ETFRF1: variants seen among roughly 807,000 people sequenced by gnomAD.
ETFRF1 encodes LYR motif containing 5.
ETFRF1 carries 12 observed loss-of-function variants against 9.0 expected under a neutral mutation model. The ratio of observed to expected loss-of-function variants is 1.34; its 90% CI spans 0.86 to 2.16. The LOEUF is 2.16. Among genes scored for constraint, ETFRF1 ranks in the 30% most tolerant of loss-of-function variants. The pLI is 0.00. For synonymous variants in ETFRF1, 34 were observed against 33.2 expected, an observed-to-expected ratio of 1.02 and a Z score of -0.08; for missense variants, 98 against 101.8, an observed-to-expected ratio of 0.96 and a Z score of 0.16.
chr12:25,204,897 T>G lies in ETFRF1; in HGVS notation c.*585T>G, dbSNP rs1478917694. 1 of 199,700 alleles carries G rather than the reference T, an allele frequency of 5.0e-6. No homozygotes were observed. The highest frequency in any genetic ancestry group is 1.0e-5 in the Non-Finnish European group (1 of 96,248). The allele number at this position is 199,700 out of a possible 1,614,324, so 12.4% of individuals were successfully genotyped here. ...ACTGGCATTAACATACATAACTAACTATTCAATTATTTCCATTATTAATGT... is the reference window on the plus strand; with the variant it reads ...ACTGGCATTAACATACATAACTAACGATTCAATTATTTCCATTATTAATGT... On this transcript the variant is annotated 3_prime_UTR_variant, in exon 3 of 3. Coordinates refer to ENST00000381356, the MANE Select transcript of ETFRF1 (RefSeq NM_001001660.3).
Position 25,204,122 on chromosome 12 carries a change from G to A in ETFRF1, c.83G>A (p.Gly28Glu), listed in dbSNP as rs1386066862. 2 of 1,600,302 alleles carry A rather than the reference G, an allele frequency of 1.2e-6. No homozygotes were observed. The highest frequency in any genetic ancestry group is 8.5e-7 in the Non-Finnish European group (1 of 1,172,178). Residue 28 changes from glycine to glutamate, a missense_variant, in exon 3 of 3, where the codon GGA becomes GAA. By Grantham distance (98) the Gly-to-Glu change is moderately conservative. Transcript: ENST00000381356. ...LLYLGRDYPK[G>E]ADYFKKRLKN... ...TATCTTGGACGAGACTATCCAAAAG[G>A]AGCAGACTATTTTAAAAAGCGTTTG...
At chr12:25,198,696 A>C (rs900078903) in intron 1 of ETFRF1, among the ~76,000 whole-genome samples, 2 of 152,240 alleles carry the variant, frequency 1.3e-5, no homozygotes, top group African/African-American at 2.4e-5. Flanking sequence ...TATGTGAATT[A>C]GCTCATTAAC....
chr12:25,202,061 T>TATAAA (rs1951077531), intron 1 of ETFRF1, among the ~76,000 whole-genome samples: 1 of 5,708 alleles, frequency 1.8e-4, no homozygotes, highest in Non-Finnish European at 9.7e-4. Context: ...TCTACTGAAA[T>TATAAA]ACAAAAAAAA....
Position 25,204,360 on chromosome 12 carries a change from CAG to C in ETFRF1, c.*50_*51del. ...ATCAGTGCCAGCTGTTTATGTATAC[CAG>C]ATGTTGTAAAATAATTCTAACTTAA... On this transcript the variant is annotated 3_prime_UTR_variant, in exon 3 of 3. Coordinates refer to ENST00000381356, the MANE Select transcript of ETFRF1 (RefSeq NM_001001660.3). 1 of 1,372,878 alleles carries C rather than the reference CAG, an allele frequency of 7.3e-7. No individual in the cohort carries two copies. The highest frequency in any genetic ancestry group is 9.7e-7 in the Non-Finnish European group (1 of 1,025,892). The allele number at this position is 1,372,878 out of a possible 1,614,324, so 85.0% of individuals were successfully genotyped here.
At chr12:25,199,206 T>C (rs1951054467) in intron 1 of ETFRF1, among the ~76,000 whole-genome samples, 1 of 149,490 alleles carries the variant, frequency 6.7e-6, no homozygotes, top group Non-Finnish European at 1.5e-5. Flanking sequence ...TAGTATAATA[T>C]ATAGTATACA....
rs1951113546 is a variant in ETFRF1 at position 25,204,661 on chromosome 12, A to T, written c.*349A>T. 5.1e-6 allele frequency: 1 copy of T among 195,058 alleles called. No individual in the cohort carries two copies. Among genetic ancestry groups the T allele is most frequent in the East Asian group, 8.9e-5 (1 of 11,242 alleles). 12.1% of individuals were successfully genotyped at this position (195,058 alleles called of 1,614,324 possible). A position where few individuals can be genotyped will look rare whatever the true frequency, so the allele number is the denominator to read the frequency against. Reference sequence around the variant, plus strand: ...CTGACAAGAGAATGCCATTTACCGAACATTTAATAAGCAAAATAATTTCTT... The same window carrying T: ...CTGACAAGAGAATGCCATTTACCGATCATTTAATAAGCAAAATAATTTCTT... On this transcript the variant is annotated 3_prime_UTR_variant, in exon 3 of 3. Transcript: ENST00000381356.
At chr12:25,195,738 A>C (rs11047887) in intron 1 of ETFRF1, 67,734 of 152,430 alleles carry the variant, frequency 0.44, 16,980 homozygotes, top group East Asian at 0.8. Flanking sequence ...AGAGCGCCCT[A>C]AACAAGAATT....
chr12:25,201,959 G>A (rs1475459540), intron 1 of ETFRF1, among the ~76,000 whole-genome samples: 2 of 150,792 alleles, frequency 1.3e-5, no homozygotes, highest in African/African-American at 2.4e-5. Context: ...GGTGGCTCAC[G>A]CCTGTAATCC....
chr12:25,201,958 C>T (rs994013382), intron 1 of ETFRF1, among the ~76,000 whole-genome samples: 2 of 150,958 alleles, frequency 1.3e-5, no homozygotes, highest in Admixed American at 6.6e-5. Flanking sequence ...CGGTGGCTCA[C>T]GCCTGTAATC....
At chr12:25,197,640 T>G (rs1335524091) in intron 1 of ETFRF1, among the ~76,000 whole-genome samples, 1 of 152,116 alleles carries the variant, frequency 6.6e-6, no homozygotes, top group African/African-American at 2.4e-5. Context: ...AATATTTTTT[T>G]ACTTTTAGTA....
In ETFRF1 at chr12:25,203,637, C is replaced by T. The variant is rs374476467; in HGVS notation, c.-37-283C>T. ...CCACTGTGGCATAAAAGGAGGTACA[C>T]GTACCTATCTGTGATGACAATCCAC... On this transcript the variant is annotated intron_variant, in intron 1 of 2. Coordinates refer to ENST00000381356, the MANE Select transcript of ETFRF1 (RefSeq NM_001001660.3). 5 of 244,772 alleles carry T rather than the reference C, an allele frequency of 2.0e-5. No homozygotes were observed. In the South Asian group the frequency reaches 3.1e-4, roughly 15 times the overall value. 15.2% of individuals were successfully genotyped at this position (244,772 alleles called of 1,614,324 possible). A position where few individuals can be genotyped will look rare whatever the true frequency, so the allele number is the denominator to read the frequency against.
chr12:25,199,207 A>T (rs962823936), intron 1 of ETFRF1, among the ~76,000 whole-genome samples: 2 of 149,628 alleles, frequency 1.3e-5, no homozygotes, highest in Admixed American at 6.7e-5. Context: ...AGTATAATAT[A>T]TAGTATACAT....
At position 25,204,071 on chromosome 12, in the gene ETFRF1, T is replaced by A. The variant is rs566585421; in HGVS notation, c.52-20T>A. The stretch of plus-strand genomic sequence containing the variant: ...ATATGACATGGATTGTTTAGAAATA[T>A]ATAATCTTTCTTTTTGAAGCTGCTG... On this transcript the variant is annotated intron_variant, in intron 2 of 2. Transcript: ENST00000381356. The A allele has an allele frequency of 1.9e-6, 3 of 1,553,740 alleles. No individual in the cohort carries two copies. The East Asian group carries it at 7.3e-5, about 38-fold the overall frequency.
In ETFRF1 at chr12:25,204,374, T is replaced by C. The variant is rs1951108466; in HGVS notation, c.*62T>C. The stretch of plus-strand genomic sequence containing the variant: ...TTTATGTATACCAGATGTTGTAAAA[T>C]AATTCTAACTTAAAATGGGAAGATA... On this transcript the variant is annotated 3_prime_UTR_variant, in exon 3 of 3. Coordinates refer to ENST00000381356, the MANE Select transcript of ETFRF1 (RefSeq NM_001001660.3). 1.2e-5 allele frequency: 16 copies of C among 1,310,316 alleles called. No homozygotes were observed. The South Asian group carries it at 2.4e-4, about 19-fold the overall frequency. 81.2% of individuals were successfully genotyped at this position (1,310,316 alleles called of 1,614,324 possible).
chr12:25,198,677 T>C (rs1014965914), intron 1 of ETFRF1, among the ~76,000 whole-genome samples: 1 of 152,206 alleles, frequency 6.6e-6, no homozygotes, highest in African/African-American at 2.4e-5. Flanking sequence ...GCCTACATAA[T>C]ATGCTTGTTA....
At chr12:25,196,999 A>G (rs1951031446) in intron 1 of ETFRF1, among the ~76,000 whole-genome samples, 1 of 152,076 alleles carries the variant, frequency 6.6e-6, no homozygotes, top group South Asian at 2.1e-4. Context: ...CTAAAATAAT[A>G]CAAAAAATTA....
Position 25,195,289 on chromosome 12 carries a change from C to CA in ETFRF1, c.-85dup, listed in dbSNP as rs1950958605. ...GCCACCCCGCTTCGCAGTAGACGGA[C>CA]AGAGGAGTCGTAGCGGTCGAGGCTT... On this transcript the variant is annotated 5_prime_UTR_variant, in exon 1 of 3. Transcript: ENST00000381356. 3 of 626,070 alleles carry CA rather than the reference C, an allele frequency of 4.8e-6. No individual in the cohort carries two copies. The Admixed American group carries it at 7.9e-5, about 17-fold the overall frequency. The allele number at this position is 626,070 out of a possible 1,614,324, so 38.8% of individuals were successfully genotyped here.
At chr12:25,198,549 A>G (rs1054704042) in intron 1 of ETFRF1, among the ~76,000 whole-genome samples, 2 of 152,184 alleles carry the variant, frequency 1.3e-5, no homozygotes, top group African/African-American at 4.8e-5. Context: ...CAGAAAAGCA[A>G]TTTGAAGTAA....
chr12:25,197,567 C>T (rs188422979), intron 1 of ETFRF1, among the ~76,000 whole-genome samples: 33 of 152,220 alleles, frequency 2.2e-4, no homozygotes, highest in African/African-American at 4.1e-4. Context: ...TGGGCTCAAG[C>T]GATCCTCCCA....
Sources: gnomAD v4.1 joint callset for allele counts (sites outside exome capture counted in the v4.1 genomes callset) on GRCh38, gnomAD v4.1.1 for gene constraint, MANE v1.5 for transcripts, NCBI Gene and HGNC (gene_info 2026-07-23, HGNC 2026-07-21) for gene names.